ASCC3: variants seen among roughly 807,000 people sequenced by gnomAD.
ASCC3 encodes the protein activating signal cointegrator 1 complex subunit 3, also known as ASC-1 complex subunit P200.
In ASCC3, 158 loss-of-function variants were observed where a neutral mutation model predicts 256.3. The ratio of observed to expected loss-of-function variants is 0.62; its 90% CI spans 0.54 to 0.70. The LOEUF (loss-of-function observed/expected upper bound fraction) is 0.70. ASCC3 is among the 30% of genes least tolerant of loss of function. The pLI is 0.00. For synonymous variants in ASCC3, 948 were observed against 883.4 expected, an observed-to-expected ratio of 1.07 and a Z score of -1.30; for missense variants, 2,259 against 2,626.0, an observed-to-expected ratio of 0.86 and a Z score of 3.05.
chr6:100,600,199 G>A (rs1772527238), intron 34 of ASCC3, among the ~76,000 whole-genome samples: 1 of 104,578 alleles, frequency 9.6e-6, no homozygotes, highest in Non-Finnish European at 2.0e-5. Context: ...ATACACACAT[G>A]CACATGCACA....
Position 100,509,693 on chromosome 6 carries a change from G to C in ASCC3, c.6462-160C>G, listed in dbSNP as rs185114992. Among the ~76,000 whole-genome samples the C allele has an allele frequency of 4.6e-3, 696 of 152,252 alleles. 3 individuals carry two copies. Among genetic ancestry groups the C allele is most frequent in the Non-Finnish European group, 6.4e-3 (433 of 68,004 alleles). ...AGGCGGGCGGATCACGAGGTCAGGA[G>C]ATGGAGACCACGGTGAAACCCCGTC... On this transcript the variant is annotated intron_variant, in intron 41 of 41. Transcript: ENST00000369162.
At chr6:100,805,383 A>C (rs1486679715) in intron 5 of ASCC3, among the ~76,000 whole-genome samples, 2 of 152,102 alleles carry the variant, frequency 1.3e-5, no homozygotes, top group Non-Finnish European at 2.9e-5. Context: ...GAGTAGGGAA[A>C]GGGCTAAAAA....
At chr6:100,626,008 G>A (rs1774215149) in intron 29 of ASCC3, among the ~76,000 whole-genome samples, 1 of 151,964 alleles carries the variant, frequency 6.6e-6, no homozygotes, top group African/African-American at 2.4e-5. Context: ...GGACATGGTA[G>A]TCAACACAAA....
chr6:100,582,453 C>T (rs1402509822), intron 36 of ASCC3, among the ~76,000 whole-genome samples: 1 of 151,354 alleles, frequency 6.6e-6, no homozygotes, highest in African/African-American at 2.4e-5. Context: ...TGAGACTTTG[C>T]TGAAGTTGCT....
At chr6:100,750,869 A>G (rs914495674) in intron 10 of ASCC3, among the ~76,000 whole-genome samples, 4 of 152,026 alleles carry the variant, frequency 2.6e-5, no homozygotes, top group African/African-American at 9.7e-5. Context: ...GTCAGTGGAT[A>G]TCAAAGTCAC....
chr6:100,799,711 T>C (rs569947682), intron 6 of ASCC3, 139 bp from the exon 7 acceptor site: 3 of 875,510 alleles, frequency 3.4e-6, no homozygotes, highest in Non-Finnish European at 5.1e-6. Context: ...AAGGAAGATT[T>C]TAGGAATCCT....
chr6:100,676,680 C>G (rs1273275838), intron 14 of ASCC3, among the ~76,000 whole-genome samples: 3 of 152,176 alleles, frequency 2.0e-5, no homozygotes, highest in African/African-American at 7.2e-5. Flanking sequence ...AGAAAAGACT[C>G]ATTTCAGTTG....
At chr6:100,586,214 C>T (rs942807677) in intron 36 of ASCC3, among the ~76,000 whole-genome samples, 10 of 152,220 alleles carry the variant, frequency 6.6e-5, no homozygotes, top group South Asian at 4.1e-4. Context: ...GGCAGGCCTC[C>T]TTGAGCTGTG....
chr6:100,755,296 AAAT>A (rs150368832), intron 10 of ASCC3, among the ~76,000 whole-genome samples: 2,300 of 152,192 alleles, frequency 0.015, 60 homozygotes, highest in African/African-American at 0.054. Flanking sequence ...TTATAATGTT[AAAT>A]AAATTAACCT....
chr6:100,617,808 C>T (rs1267916690), intron 30 of ASCC3, among the ~76,000 whole-genome samples: 1 of 152,216 alleles, frequency 6.6e-6, no homozygotes, highest in East Asian at 1.9e-4. Flanking sequence ...GTGCCAGTTC[C>T]TCATTTTCTA....
chr6:100,612,369 T>C (rs1315758489), intron 30 of ASCC3, among the ~76,000 whole-genome samples: 1 of 152,040 alleles, frequency 6.6e-6, no homozygotes, highest in African/African-American at 2.4e-5. Context: ...TGTTTCAAGA[T>C]GCTAAAAACC....
At chr6:100,592,842 C>T (rs564420329) in intron 34 of ASCC3, among the ~76,000 whole-genome samples, 1 of 152,208 alleles carries the variant, frequency 6.6e-6, no homozygotes, top group South Asian at 2.1e-4. Context: ...TTGTAATTTA[C>T]TGGTTATTTA....
chr6:100,557,386 T>C (rs867225168), intron 36 of ASCC3, among the ~76,000 whole-genome samples: 2 of 152,196 alleles, frequency 1.3e-5, no homozygotes, highest in Non-Finnish European at 2.9e-5. Context: ...ATTTCTCCCC[T>C]CAATTTCTGT....
At chr6:100,786,442 T>C (rs2114282089) in intron 8 of ASCC3, among the ~76,000 whole-genome samples, 1 of 152,274 alleles carries the variant, frequency 6.6e-6, no homozygotes, top group Non-Finnish European at 1.5e-5. Flanking sequence ...TTTAAACTCA[T>C]ATGAACTATA....
At chr6:100,719,810 T>C (rs1220443316) in intron 11 of ASCC3, among the ~76,000 whole-genome samples, 1 of 151,996 alleles carries the variant, frequency 6.6e-6, no homozygotes, top group Non-Finnish European at 1.5e-5. Flanking sequence ...GATGTTTTCC[T>C]TCACATAAAA....
intron 4 of ASCC3, among the ~76,000 whole-genome samples, chr6:100,846,149 AC>A (rs1554244991): frequency 3.5e-4 from 5 of 14,152 alleles, no homozygotes; most frequent in African/African-American, 1.4e-3. Flanking sequence ...AAGGTATAGC[AC>A]GCACACCCTA....
chr6:100,737,221 G>A (rs1260616773), intron 10 of ASCC3, among the ~76,000 whole-genome samples: 1 of 58,854 alleles, frequency 1.7e-5, no homozygotes, highest in African/African-American at 5.0e-5. Context: ...CTATGATCAG[G>A]ACTCAAAGTT....
chr6:100,587,897 T>C (rs981201305), intron 36 of ASCC3, among the ~76,000 whole-genome samples: 19 of 152,306 alleles, frequency 1.2e-4, no homozygotes, highest in African/African-American at 3.6e-4. Context: ...AAGGTTTTTT[T>C]TGGCTTTTTT....
At chr6:100,626,843 G>A (rs944839276) in intron 29 of ASCC3, among the ~76,000 whole-genome samples, 2 of 152,044 alleles carry the variant, frequency 1.3e-5, no homozygotes, top group African/African-American at 2.4e-5. Context: ...TTTTGCTGCT[G>A]AAAGAACAGG....
Sources: gnomAD v4.1 joint callset for allele counts (sites outside exome capture counted in the v4.1 genomes callset) on GRCh38, gnomAD v4.1.1 for gene constraint, MANE v1.5 for transcripts, NCBI Gene and HGNC (gene_info 2026-07-23, HGNC 2026-07-21) for gene names.